TRABD2B: variants seen among roughly 807,000 people sequenced by gnomAD.
The protein encoded by TRABD2B is metalloprotease TIKI2.
In TRABD2B, 14 loss-of-function variants were observed where a neutral mutation model predicts 40.1. The ratio of observed to expected loss-of-function variants is 0.35; its 90% CI spans 0.23 to 0.55. The LOEUF (loss-of-function observed/expected upper bound fraction) is 0.55. TRABD2B is among the 20% of genes least tolerant of loss of function. TRABD2B has a pLI of 0.90. For missense variants in TRABD2B, 541 were observed against 648.6 expected, an observed-to-expected ratio of 0.83 and a Z score of 1.80; for synonymous variants, 263 against 277.0, an observed-to-expected ratio of 0.95 and a Z score of 0.50.
chr1:47,960,113 C>G (rs1645489015), intron 2 of TRABD2B, among the ~76,000 whole-genome samples: 1 of 152,134 alleles, frequency 6.6e-6, no homozygotes, highest in Non-Finnish European at 1.5e-5. Flanking sequence ...AAGACAAAAA[C>G]CACATGATTA....
intron 2 of TRABD2B, among the ~76,000 whole-genome samples, chr1:47,926,477 A>C (rs956458697): frequency 1.3e-5 from 2 of 152,040 alleles, no homozygotes; most frequent in African/African-American, 4.8e-5. Context: ...CTTCAACCCT[A>C]CTTGATCTGC....
At chr1:47,959,340 G>A (rs184434526) in intron 2 of TRABD2B, among the ~76,000 whole-genome samples, 75 of 152,274 alleles carry the variant, frequency 4.9e-4, no homozygotes, top group African/African-American at 1.7e-3. Context: ...AAAGCCAGCA[G>A]AAGGCAAGAA....
intron 2 of TRABD2B, among the ~76,000 whole-genome samples, chr1:47,921,582 A>G (rs1052397143): frequency 1.3e-5 from 2 of 152,158 alleles, no homozygotes; most frequent in Admixed American, 6.5e-5. Flanking sequence ...GGATTATTCT[A>G]TGTTTGTATT....
intron 2 of TRABD2B, among the ~76,000 whole-genome samples, chr1:47,945,802 T>A (rs541633516): frequency 2.0e-5 from 3 of 152,344 alleles, no homozygotes; most frequent in African/African-American, 7.2e-5. Context: ...TTGTATTGTC[T>A]CCCCAGTTTA....
intron 2 of TRABD2B, among the ~76,000 whole-genome samples, chr1:47,981,365 A>T (rs1645838647): frequency 6.6e-6 from 1 of 152,178 alleles, no homozygotes; most frequent in South Asian, 2.1e-4. Flanking sequence ...AGGGGTCTGC[A>T]GCCAGAGTTT....
intron 2 of TRABD2B, among the ~76,000 whole-genome samples, chr1:47,842,162 T>C (rs1008476210): frequency 6.6e-6 from 1 of 152,196 alleles, no homozygotes; most frequent in Admixed American, 6.5e-5. Flanking sequence ...CCGGGCACAA[T>C]GTAGCTCTTT....
intron 2 of TRABD2B, among the ~76,000 whole-genome samples, chr1:47,948,460 C>T (rs1232738196): frequency 6.6e-6 from 1 of 152,126 alleles, no homozygotes; most frequent in Admixed American, 6.5e-5. Context: ...CTCTTCTTGC[C>T]CCTGGAGACA....
At chr1:47,801,761 G>T (rs965228211) in intron 2 of TRABD2B, 142 bp from the exon 3 acceptor site, 88 of 1,066,766 alleles carry the variant, frequency 8.2e-5, no homozygotes, top group Middle Eastern at 6.3e-4. Context: ...GCTGGCTCAG[G>T]CTGTGTGTTT....
Position 47,997,353 on chromosome 1 carries a change from A to G in TRABD2B, c.-564T>C. ...GCGCGGCCGCTGCCCGGGCTCCGCC[A>G]TGCTGCTCCGCGGCCGGGAGGGAGG... is the stretch of plus-strand genomic sequence containing the variant. On this transcript the variant is annotated 5_prime_UTR_variant, in exon 1 of 7. It removes an upstream start codon present in the reference 5' UTR. Coordinates refer to ENST00000606738, the MANE Select transcript of TRABD2B (RefSeq NM_001194986.2). 1 of 290,426 alleles carries G rather than the reference A, an allele frequency of 3.4e-6. No homozygotes were observed. Among genetic ancestry groups the G allele is most frequent in the Non-Finnish European group, 4.8e-6 (1 of 206,440 alleles). 18.0% of individuals were successfully genotyped at this position (290,426 alleles called of 1,614,324 possible). A position where few individuals can be genotyped will look rare whatever the true frequency, so the allele number is the denominator to read the frequency against.
chr1:47,871,889 G>T (rs899706145), intron 2 of TRABD2B, among the ~76,000 whole-genome samples: 3 of 152,210 alleles, frequency 2.0e-5, no homozygotes, highest in Non-Finnish European at 4.4e-5. Context: ...GCAGTGATCA[G>T]GGACTTCTCC....
chr1:47,820,413 C>T lies in TRABD2B; in HGVS notation c.667-18794G>A, dbSNP rs555590749. ...CTTTACAGAAAAGCTCAAAGAGGGG[C>T]AGGGGCCTGTCCAAGGTCACACAGC... On this transcript the variant is annotated intron_variant, in intron 2 of 6. Transcript: ENST00000606738. Among the ~76,000 whole-genome samples, 3 of 152,320 alleles carry T rather than the reference C, an allele frequency of 2.0e-5. No homozygotes were observed. In the East Asian group the frequency reaches 5.8e-4, roughly 29 times the overall value.
chr1:47,871,054 A>G (rs1301938758), intron 2 of TRABD2B, among the ~76,000 whole-genome samples: 2 of 152,198 alleles, frequency 1.3e-5, no homozygotes, highest in African/African-American at 4.8e-5. Context: ...CTTGTTTTCT[A>G]TATGCCAGAC....
At chr1:47,936,695 G>A (rs7529370) in intron 2 of TRABD2B, among the ~76,000 whole-genome samples, 71,141 of 152,006 alleles carry the variant, frequency 0.47, 18,195 homozygotes, top group Middle Eastern at 0.62. Context: ...TGTTTCCTCC[G>A]CTTATGAGCT....
In TRABD2B at chr1:47,823,083, C is replaced by T. The variant is rs112310645; in HGVS notation, c.667-21464G>A. ...AGGGCACTGAAGTGAGAGATGGGGC[C>T]GGCCTGGCAGATCCATCTGTGTGAT... On this transcript the variant is annotated intron_variant, in intron 2 of 6. Coordinates refer to ENST00000606738, the MANE Select transcript of TRABD2B (RefSeq NM_001194986.2). 1.8e-3 allele frequency among the ~76,000 whole-genome samples: 270 copies of T among 152,340 alleles called. 1 individual carries two copies. The highest frequency in any genetic ancestry group is 5.9e-3 in the African/African-American group (247 of 41,576).
chr1:47,963,475 A>C (rs1645552320), intron 2 of TRABD2B, among the ~76,000 whole-genome samples: 1 of 152,230 alleles, frequency 6.6e-6, no homozygotes, highest in Admixed American at 6.5e-5. Context: ...CCCTTGCTTT[A>C]AGCCAGGACA....
chr1:47,827,106 G>T (rs2124433634), intron 2 of TRABD2B, among the ~76,000 whole-genome samples: 1 of 152,284 alleles, frequency 6.6e-6, no homozygotes, highest in Admixed American at 6.5e-5. Flanking sequence ...TGCAGCACGG[G>T]CCTCGCTGGG....
chr1:47,857,214 C>T (rs1402541650), intron 2 of TRABD2B, among the ~76,000 whole-genome samples: 1 of 152,172 alleles, frequency 6.6e-6, no homozygotes, highest in East Asian at 1.9e-4. Flanking sequence ...CTTCCCCTTC[C>T]CTCAGCCCCT....
At chr1:47,827,415 T>C (rs1645191051) in intron 2 of TRABD2B, among the ~76,000 whole-genome samples, 1 of 152,228 alleles carries the variant, frequency 6.6e-6, no homozygotes. Flanking sequence ...AAGACCCTTA[T>C]CTCTCTGCTC....
intron 2 of TRABD2B, among the ~76,000 whole-genome samples, chr1:47,970,646 C>G (rs1292287377): frequency 6.6e-6 from 1 of 152,178 alleles, no homozygotes; most frequent in Non-Finnish European, 1.5e-5. Context: ...TTTTCACTTG[C>G]ACGTCTGTGG....
Sources: allele counts gnomAD v4.1 joint callset (sites outside exome capture counted in the v4.1 genomes callset), GRCh38; gene constraint gnomAD v4.1.1; transcripts MANE v1.5; gene names NCBI Gene and HGNC (gene_info 2026-07-23, HGNC 2026-07-21).